The following PDZD8 variants were observed in gnomAD, a reference collection of about 807,000 sequenced individuals.
PDZD8 encodes PDZ domain-containing protein 8.
In PDZD8, 14 loss-of-function variants were observed where a neutral mutation model predicts 85.8. The observed-to-expected ratio is 0.16, with a 90% CI of 0.11 to 0.26. PDZD8 has a LOEUF of 0.26. Among genes scored for constraint, PDZD8 ranks in the 10% least tolerant of loss-of-function variants. The pLI, the probability that PDZD8 is intolerant of heterozygous loss-of-function variation, is 1.00. For missense variants in PDZD8, 1,197 were observed against 1,424.3 expected, an observed-to-expected ratio of 0.84 and a Z score of 2.57; for synonymous variants, 592 against 568.6, an observed-to-expected ratio of 1.04 and a Z score of -0.59.
At chr10:117,325,404 C>CTGTTTTTTTTT (rs1844298260) in intron 2 of PDZD8, among the ~76,000 whole-genome samples, 1 of 99,824 alleles carries the variant, frequency 1.0e-5, no homozygotes, top group Non-Finnish European at 1.9e-5. Flanking sequence ...GAAAAGCCAA[C>CTGTTTTTTTTT]TTTTTTTTTT....
chr10:117,313,409 C>T (rs1564696320), intron 3 of PDZD8, among the ~76,000 whole-genome samples: 1 of 152,106 alleles, frequency 6.6e-6, no homozygotes, highest in Non-Finnish European at 1.5e-5. Flanking sequence ...TTGTTTTTTA[C>T]AGTGTCCACT....
intron 1 of PDZD8, among the ~76,000 whole-genome samples, chr10:117,342,393 T>TACAC (rs59113065): frequency 0.16 from 23,598 of 145,424 alleles, 2,054 homozygotes; most frequent in East Asian, 0.4. Flanking sequence ...CACAAACAGA[T>TACAC]ACACACACAC....
At chr10:117,364,638 A>G (rs571138696) in intron 1 of PDZD8, among the ~76,000 whole-genome samples, 2 of 152,224 alleles carry the variant, frequency 1.3e-5, no homozygotes, top group Admixed American at 6.6e-5. Flanking sequence ...TATCTGTGGG[A>G]AAAACACTCC....
At chr10:117,325,273 A>G (rs1003630828) in intron 2 of PDZD8, among the ~76,000 whole-genome samples, 8 of 152,012 alleles carry the variant, frequency 5.3e-5, no homozygotes, top group Non-Finnish European at 1.0e-4. Context: ...AGAGGAATTC[A>G]CCATAATCTA....
At chr10:117,346,504 T>A (rs1844711605) in intron 1 of PDZD8, among the ~76,000 whole-genome samples, 1 of 151,668 alleles carries the variant, frequency 6.6e-6, no homozygotes. Context: ...ATACAGGAGT[T>A]ATTAATAAGT....
At chr10:117,365,005 T>C (rs1397436408) in intron 1 of PDZD8, among the ~76,000 whole-genome samples, 2 of 152,244 alleles carry the variant, frequency 1.3e-5, no homozygotes, top group East Asian at 3.9e-4. Context: ...ATATGTATGC[T>C]TGAGCATACA....
intron 1 of PDZD8, among the ~76,000 whole-genome samples, chr10:117,359,656 A>T (rs1233459464): frequency 6.6e-6 from 1 of 152,170 alleles, no homozygotes; most frequent in East Asian, 1.9e-4. Flanking sequence ...GGTTGCAGTA[A>T]GCCGAGGTCG....
In PDZD8 at chr10:117,374,786, C is replaced by G. The variant is rs767626240; in HGVS notation, c.442G>C (p.Val148Leu). The G allele has an allele frequency of 9.3e-6, 15 of 1,613,042 alleles. No individual in the cohort carries two copies. Among genetic ancestry groups the G allele is most frequent in the South Asian group, 7.7e-5 (7 of 91,084 alleles). ...AAGGGCACCGTCTCGCCCAGGAACA[C>G]GTCCCGCAGGCTCAGCCCCTCCAGC... ...RLLEGLSLRD[V>L]FLGETVPFIK... Residue 148 changes from valine (V) to leucine (L), a missense_variant, in exon 1 of 5, where the codon GTG (valine) becomes CTG (leucine). Physicochemically the swap from Val to Leu is conservative, Grantham distance 32 (BLOSUM62 1). Coordinates refer to ENST00000334464, the MANE Select transcript of PDZD8 (RefSeq NM_173791.5). The surrounding 1 kb of genome is among the most constrained non-coding windows in gnomAD (Gnocchi z 7.8).
At chr10:117,322,682 T>C (rs1292148890) in intron 2 of PDZD8, among the ~76,000 whole-genome samples, 2 of 151,776 alleles carry the variant, frequency 1.3e-5, no homozygotes, top group Non-Finnish European at 2.9e-5. Flanking sequence ...AATGGGAAAA[T>C]CATTGGCTAG....
intron 1 of PDZD8, among the ~76,000 whole-genome samples, chr10:117,361,374 G>A (rs1844996694): frequency 6.6e-6 from 1 of 152,150 alleles, no homozygotes; most frequent in Non-Finnish European, 1.5e-5. Flanking sequence ...AACTGTCTCT[G>A]CAGTGTGTTG....
chr10:117,322,527 T>C (rs1017389175), intron 2 of PDZD8, among the ~76,000 whole-genome samples: 7 of 152,190 alleles, frequency 4.6e-5, no homozygotes, highest in Non-Finnish European at 7.3e-5. Flanking sequence ...GTTTTAAAAG[T>C]AACCGACAGT....
Position 117,291,099 on chromosome 10 carries a change from T to C in PDZD8, c.1099-751A>G, listed in dbSNP as rs190158963. Reference sequence around the variant, plus strand: ...CTGTTGCCCAGGCTGGTCTCAAACTTCTGGGCTCAAGTGATCCGCCCACCT... The same window carrying C: ...CTGTTGCCCAGGCTGGTCTCAAACTCCTGGGCTCAAGTGATCCGCCCACCT... On this transcript the variant is annotated intron_variant, in intron 3 of 4. Transcript: ENST00000334464. Among the ~76,000 whole-genome samples, 62 of 151,666 alleles carry C rather than the reference T, an allele frequency of 4.1e-4. No individual in the cohort carries two copies. In the East Asian group the frequency reaches 0.012, roughly 28 times the overall value.
At chr10:117,373,465 A>G (rs1241276614) in intron 1 of PDZD8, among the ~76,000 whole-genome samples, 3 of 152,098 alleles carry the variant, frequency 2.0e-5, no homozygotes, top group African/African-American at 7.2e-5. Flanking sequence ...CTGCTGTGGA[A>G]AGTATTCCCG....
Position 117,374,679 on chromosome 10 carries a change from G to A in PDZD8, c.549C>T (p.Pro183=), listed in dbSNP as rs764592106. 4 of 1,591,028 alleles carry A rather than the reference G, an allele frequency of 2.5e-6. No individual in the cohort carries two copies. The South Asian group carries it at 3.4e-5, about 13-fold the overall frequency. ...EPDGPEGEAL[P]AACPEELAFE... is the part of the protein sequence containing the mutation. ...AGGCCAGCTCCTCGGGGCAGGCGGC[G>A]GGCAGCGCCTCCCCTTCAGGGCCAT... The change falls in exon 1 of 5, where the codon CCC becomes CCT. Residue 183 remains proline, a synonymous_variant. Transcript: ENST00000334464. The surrounding 1 kb of genome is among the most constrained non-coding windows in gnomAD (Gnocchi z 7.8).
chr10:117,283,869 C>T lies in PDZD8; in HGVS notation c.2864G>A (p.Arg955His), dbSNP rs771181712. 3.8e-5 allele frequency: 61 copies of T among 1,613,954 alleles called. No homozygotes were observed. The highest frequency in any genetic ancestry group is 4.7e-5 in the Non-Finnish European group (56 of 1,180,018). The change falls in exon 5 of 5, where the codon CGC (arginine) becomes CAC (histidine). Residue 955 changes from arginine to histidine, a missense_variant. Physicochemically the swap from Arg to His is conservative, Grantham distance 29. Around this residue, in one of 4 missense-constraint regions of PDZD8, gnomAD observed 418 missense variants for 571.1 expected, o/e 0.73. Coordinates refer to ENST00000334464, the MANE Select transcript of PDZD8 (RefSeq NM_173791.5). ...GAGATCGGTTCCTGGTTCAGAAAGG[C>T]GAGTTTTAGAGACTTGACGCAAATT... ...LLNLRQVSKT[R>H]LSEPGTDLVE...
intron 3 of PDZD8, among the ~76,000 whole-genome samples, chr10:117,307,811 C>T (rs185522505): frequency 3.5e-4 from 53 of 152,072 alleles, no homozygotes; most frequent in African/African-American, 1.3e-3. Flanking sequence ...ATAAGACATA[C>T]GAATTAAGTG....
intron 3 of PDZD8, among the ~76,000 whole-genome samples, chr10:117,292,810 A>C (rs1188305386): frequency 6.6e-6 from 1 of 151,740 alleles, no homozygotes; most frequent in African/African-American, 2.4e-5. Flanking sequence ...AGCAATAATT[A>C]GGGCCAATAT....
intron 3 of PDZD8, among the ~76,000 whole-genome samples, chr10:117,297,759 A>T (rs1296942530): frequency 6.6e-6 from 1 of 152,136 alleles, no homozygotes; most frequent in East Asian, 1.9e-4. Context: ...ATGAGGTGAT[A>T]AAATTATTCT....
At chr10:117,318,740 C>G (rs1029529408) in intron 3 of PDZD8, 132 bp downstream of exon 3, 1 of 595,158 alleles carries the variant, frequency 1.7e-6, no homozygotes, top group Admixed American at 3.3e-5. Context: ...TGTAACGAGA[C>G]AAATAAATAA....
Sources: allele counts gnomAD v4.1 joint callset (sites outside exome capture counted in the v4.1 genomes callset), GRCh38; gene constraint gnomAD v4.1.1; regional missense constraint gnomAD v4.1.1; non-coding constraint Gnocchi (gnomAD v3.1); transcripts MANE v1.5; gene names NCBI Gene and HGNC (gene_info 2026-07-23, HGNC 2026-07-21).